The following KCTD16 variants were observed in gnomAD, a reference collection of about 807,000 sequenced individuals.
KCTD16 encodes the protein potassium channel tetramerization domain containing 16, also known as BTB/POZ domain-containing protein KCTD16.
KCTD16 carries 13 observed loss-of-function variants against 33.2 expected under a neutral mutation model. The ratio of observed to expected loss-of-function variants is 0.39; its 90% CI spans 0.25 to 0.62. KCTD16 has a LOEUF of 0.62. Among genes scored for constraint, KCTD16 ranks in the 20% least tolerant of loss-of-function variants. The pLI, the probability that KCTD16 is intolerant of heterozygous loss-of-function variation, is 0.50. For synonymous variants in KCTD16, 197 were observed against 195.3 expected, an observed-to-expected ratio of 1.01 and a Z score of -0.07; for missense variants, 441 against 525.1, an observed-to-expected ratio of 0.84 and a Z score of 1.57.
intron 3 of KCTD16, among the ~76,000 whole-genome samples, chr5:144,342,696 T>A (rs1165331855): frequency 2.0e-5 from 3 of 152,222 alleles, no homozygotes; most frequent in Non-Finnish European, 4.4e-5. Flanking sequence ...GCCCATTCAG[T>A]ACGATATTGG....
At chr5:144,195,520 G>A (rs1464263574) in intron 2 of KCTD16, among the ~76,000 whole-genome samples, 2 of 152,198 alleles carry the variant, frequency 1.3e-5, no homozygotes, top group Admixed American at 6.5e-5. Flanking sequence ...TGGCACACAA[G>A]GAACCACAGA....
chr5:144,450,684 A>T (rs1335130259), intron 3 of KCTD16, among the ~76,000 whole-genome samples: 1 of 152,146 alleles, frequency 6.6e-6, no homozygotes, highest in Non-Finnish European at 1.5e-5. Context: ...GCTAAGTGAA[A>T]TAAGCCACTC....
At chr5:144,250,508 CAG>C (rs1383973885) in intron 3 of KCTD16, among the ~76,000 whole-genome samples, 1 of 152,166 alleles carries the variant, frequency 6.6e-6, no homozygotes, top group African/African-American at 2.4e-5. Flanking sequence ...ACGTTTTTCT[CAG>C]AACTGTGGGG....
At chr5:144,398,748 C>T (rs1752636474) in intron 3 of KCTD16, among the ~76,000 whole-genome samples, 1 of 149,338 alleles carries the variant, frequency 6.7e-6, no homozygotes, top group East Asian at 1.9e-4. Context: ...AAATGTACCC[C>T]AAAGGAAGAC....
chr5:144,231,399 GT>G (rs1172246830), intron 3 of KCTD16, among the ~76,000 whole-genome samples: 2 of 152,060 alleles, frequency 1.3e-5, no homozygotes, highest in Admixed American at 6.5e-5. Flanking sequence ...TCACATTCTA[GT>G]GGAGCATATA....
At chr5:144,226,478 T>A (rs1002637295) in intron 3 of KCTD16, among the ~76,000 whole-genome samples, 2 of 152,174 alleles carry the variant, frequency 1.3e-5, no homozygotes, top group African/African-American at 4.8e-5. Flanking sequence ...ATAGTAAGTA[T>A]GAGTTCATTA....
In KCTD16 at chr5:144,216,903, C is replaced by T. The variant is rs186067995; in HGVS notation, c.832+9357C>T. Among the ~76,000 whole-genome samples, 125 of 150,878 alleles carry T rather than the reference C, an allele frequency of 8.3e-4. 1 individual carries two copies. The highest frequency in any genetic ancestry group is 3.0e-3 in the African/African-American group (123 of 41,188). ...TCTCAGGCTGTTTGGCTGTTTTAGACAACATTGTGGACTGTCCAGGTCAAC... is the reference window on the plus strand; with the variant it reads ...TCTCAGGCTGTTTGGCTGTTTTAGATAACATTGTGGACTGTCCAGGTCAAC... On this transcript the variant is annotated intron_variant, in intron 3 of 3. Transcript: ENST00000512467.
At chr5:144,404,534 A>G (rs1416783053) in intron 3 of KCTD16, among the ~76,000 whole-genome samples, 1 of 152,212 alleles carries the variant, frequency 6.6e-6, no homozygotes, top group African/African-American at 2.4e-5. Flanking sequence ...TTTCTGGGTC[A>G]CAGGGATACT....
intron 2 of KCTD16, among the ~76,000 whole-genome samples, chr5:144,176,629 C>G (rs113866473): frequency 6.6e-6 from 1 of 151,412 alleles, no homozygotes; most frequent in Non-Finnish European, 1.5e-5. Flanking sequence ...GTCTCGATCT[C>G]CTGACCTCAT....
intron 2 of KCTD16, among the ~76,000 whole-genome samples, chr5:144,199,239 T>A (rs1418319392): frequency 1.3e-5 from 2 of 152,226 alleles, no homozygotes; most frequent in Non-Finnish European, 2.9e-5. Flanking sequence ...AAAGATGGGT[T>A]CCCTAGGTAG....
chr5:144,480,433 T>C lies in KCTD16; in HGVS notation c.*6319T>C, dbSNP rs1303320772. 6.6e-6 allele frequency: 1 copy of C among 151,964 alleles called. No homozygotes were observed. Among genetic ancestry groups the C allele is most frequent in the African/African-American group, 2.4e-5 (1 of 41,406 alleles). 9.4% of individuals were successfully genotyped at this position (151,964 alleles called of 1,614,324 possible). A position where few individuals can be genotyped will look rare whatever the true frequency, so the allele number is the denominator to read the frequency against. The stretch of plus-strand genomic sequence containing the variant: ...GTATATAGTGAAGAGTAGCATCTTA[T>C]TCAAAAAAAGAATGTATTTTTGAAA... On this transcript the variant is annotated 3_prime_UTR_variant, in exon 4 of 4. Transcript: ENST00000512467.
intron 3 of KCTD16, among the ~76,000 whole-genome samples, chr5:144,225,427 T>C (rs1753899409): frequency 1.3e-5 from 2 of 152,088 alleles, no homozygotes; most frequent in African/African-American, 2.4e-5. Flanking sequence ...ATTTCCTAGG[T>C]ACCACGGATA....
At chr5:144,216,125 T>C (rs1298878502) in intron 3 of KCTD16, among the ~76,000 whole-genome samples, 5 of 152,234 alleles carry the variant, frequency 3.3e-5, no homozygotes, top group Admixed American at 2.6e-4. Flanking sequence ...ATCTGATCAC[T>C]GTGGAATTAG....
intron 3 of KCTD16, among the ~76,000 whole-genome samples, chr5:144,447,774 A>C (rs1753853868): frequency 6.6e-6 from 1 of 152,086 alleles, no homozygotes; most frequent in East Asian, 1.9e-4. Flanking sequence ...ATGCTTTACA[A>C]ATAATTATTT....
chr5:144,224,136 C>T (rs970710959), intron 3 of KCTD16, among the ~76,000 whole-genome samples: 34 of 151,986 alleles, frequency 2.2e-4, no homozygotes, highest in Non-Finnish European at 1.9e-4. Context: ...AAAAATTAAA[C>T]GGCAAAAACA....
chr5:144,438,155 T>G (rs1753621232), intron 3 of KCTD16, among the ~76,000 whole-genome samples: 1 of 152,234 alleles, frequency 6.6e-6, no homozygotes, highest in Non-Finnish European at 1.5e-5. Context: ...AACTTAAAAT[T>G]AGATGTGTGG....
At chr5:144,366,747 G>A (rs1751845211) in intron 3 of KCTD16, among the ~76,000 whole-genome samples, 1 of 152,154 alleles carries the variant, frequency 6.6e-6, no homozygotes, top group Admixed American at 6.6e-5. Context: ...AGCCATATAT[G>A]AGCTGGCTGT....
chr5:144,186,373 A>AAC (rs1752726973), intron 2 of KCTD16, among the ~76,000 whole-genome samples: 1 of 151,450 alleles, frequency 6.6e-6, no homozygotes, highest in Non-Finnish European at 1.5e-5. Context: ...AGAAAAAAAA[A>AAC]AAAACTAATG....
At chr5:144,422,640 A>G (rs1418500372) in intron 3 of KCTD16, among the ~76,000 whole-genome samples, 1 of 152,196 alleles carries the variant, frequency 6.6e-6, no homozygotes, top group East Asian at 1.9e-4. Context: ...TCTACTGAAT[A>G]AACAGTAAAT....
Sources: gnomAD v4.1 joint callset for allele counts (sites outside exome capture counted in the v4.1 genomes callset) on GRCh38, gnomAD v4.1.1 for gene constraint, MANE v1.5 for transcripts, NCBI Gene and HGNC (gene_info 2026-07-23, HGNC 2026-07-21) for gene names.